The following PDE4D variants were observed in gnomAD, a reference collection of about 807,000 sequenced individuals.
PDE4D encodes phosphodiesterase 4D.
PDE4D carries 24 observed loss-of-function variants against 87.4 expected under a neutral mutation model. That is an observed-to-expected ratio of 0.27 (90% CI 0.20 to 0.39). PDE4D has a LOEUF of 0.39. Ranked by LOEUF, PDE4D falls within the 10% of genes least tolerant of loss-of-function variation. The pLI is 1.00. For missense variants in PDE4D, 714 were observed against 1,041.0 expected (o/e 0.69, Z 4.32); for synonymous variants, 384 against 383.2 (o/e 1.00, Z -0.02).
intron 1 of PDE4D, among the ~76,000 whole-genome samples, chr5:59,806,672 T>C (rs535190693): frequency 6.6e-6 from 1 of 152,352 alleles, no homozygotes; most frequent in South Asian, 2.1e-4. Context: ...ACTATTAAAA[T>C]TTCTACTTCC....
chr5:60,009,855 A>C (rs1207807197), intron 2 of PDE4D, among the ~76,000 whole-genome samples: 1 of 152,150 alleles, frequency 6.6e-6, no homozygotes, highest in Non-Finnish European at 1.5e-5. Flanking sequence ...CATGTTGACA[A>C]GGATGAAAAG....
intron 2 of PDE4D, among the ~76,000 whole-genome samples, chr5:60,013,234 C>T (rs1235873837): frequency 6.6e-6 from 1 of 152,178 alleles, no homozygotes; most frequent in Non-Finnish European, 1.5e-5. Flanking sequence ...CCACCTCTCC[C>T]AAGGCCAACA....
intron 1 of PDE4D, among the ~76,000 whole-genome samples, chr5:59,303,515 A>T (rs920617529): frequency 6.6e-6 from 1 of 152,084 alleles, no homozygotes; most frequent in African/African-American, 2.4e-5. Flanking sequence ...AAAATTTCAT[A>T]GTTTCACGTC....
intron 2 of PDE4D, among the ~76,000 whole-genome samples, chr5:60,034,708 C>T (rs1346625842): frequency 2.0e-5 from 3 of 152,190 alleles, no homozygotes; most frequent in Non-Finnish European, 4.4e-5. Flanking sequence ...AGTAATACAA[C>T]TTATGATATT....
chr5:60,016,343 T>G (rs1765521736), intron 2 of PDE4D, among the ~76,000 whole-genome samples: 1 of 152,190 alleles, frequency 6.6e-6, no homozygotes, highest in Non-Finnish European at 1.5e-5. Flanking sequence ...GTACTCTTTT[T>G]GCTGACAGAG....
chr5:60,272,434 G>C (rs1750909757), intron 1 of PDE4D, among the ~76,000 whole-genome samples: 2 of 152,188 alleles, frequency 1.3e-5, no homozygotes, highest in South Asian at 2.1e-4. Context: ...TTTAAAACTG[G>C]TGTTTCCATC....
At chr5:59,024,249 G>A (rs1483819043) in intron 6 of PDE4D, among the ~76,000 whole-genome samples, 2 of 129,298 alleles carry the variant, frequency 1.5e-5, no homozygotes, top group Non-Finnish European at 1.6e-5. Flanking sequence ...CACCCAGGCT[G>A]GAGTGCAGTG....
chr5:59,455,149 T>C (rs895420746), intron 1 of PDE4D, among the ~76,000 whole-genome samples: 1 of 152,170 alleles, frequency 6.6e-6, no homozygotes, highest in Non-Finnish European at 1.5e-5. Flanking sequence ...GGGGAACCAA[T>C]TGTTAACCCC....
At chr5:59,693,117 C>T (rs900668269) in intron 1 of PDE4D, among the ~76,000 whole-genome samples, 1 of 148,650 alleles carries the variant, frequency 6.7e-6, no homozygotes, top group African/African-American at 2.4e-5. Flanking sequence ...TGTAAATATA[C>T]TCTAGAAGAC....
Position 59,930,106 on chromosome 5 carries a change from G to A in PDE4D, c.272+58382C>T, listed in dbSNP as rs560349751. On this transcript the variant is annotated intron_variant, in intron 3 of 16. Transcript: ENST00000502484. ...GAACCCGGGAGGCGGAGCTTGCAGTGAGCCGAGATCGTGCCACTGCACTTC... is the reference window on the plus strand; with the variant it reads ...GAACCCGGGAGGCGGAGCTTGCAGTAAGCCGAGATCGTGCCACTGCACTTC... Among the ~76,000 whole-genome samples the A allele has an allele frequency of 2.1e-5, 3 of 142,656 alleles. No individual in the cohort carries two copies. The South Asian group carries it at 7.0e-4, about 33-fold the overall frequency. 93.6% of individuals were successfully genotyped at this position (142,656 alleles called of 152,430 possible). A position where few individuals can be genotyped will look rare whatever the true frequency, so the allele number is the denominator to read the frequency against.
chr5:59,535,396 G>A (rs1815019322), intron 1 of PDE4D, among the ~76,000 whole-genome samples: 1 of 152,028 alleles, frequency 6.6e-6, no homozygotes, highest in African/African-American at 2.4e-5. Context: ...TATAAGTGAA[G>A]GCTTTTTTCA....
chr5:59,198,813 C>G (rs539815676), intron 2 of PDE4D, among the ~76,000 whole-genome samples: 1 of 151,994 alleles, frequency 6.6e-6, no homozygotes, highest in Admixed American at 6.6e-5. Context: ...GAAACAGAAA[C>G]AAGCAAGAAA....
intron 1 of PDE4D, among the ~76,000 whole-genome samples, chr5:59,660,788 T>C (rs1188754686): frequency 6.6e-6 from 1 of 152,334 alleles, no homozygotes; most frequent in East Asian, 1.9e-4. Context: ...GACAGTCATA[T>C]GAATAGGATA....
intron 2 of PDE4D, among the ~76,000 whole-genome samples, chr5:59,991,219 G>A (rs1257647360): frequency 6.6e-6 from 1 of 152,064 alleles, no homozygotes; most frequent in East Asian, 2.0e-4. Flanking sequence ...CTTAAGAGGT[G>A]CCATTGGTTG....
chr5:60,076,808 C>T (rs1456834759), intron 2 of PDE4D, among the ~76,000 whole-genome samples: 2 of 152,224 alleles, frequency 1.3e-5, no homozygotes, highest in Non-Finnish European at 2.9e-5. Flanking sequence ...CATGTGCCAG[C>T]AGCAGTGACA....
chr5:59,160,743 T>C (rs578232137), intron 5 of PDE4D, among the ~76,000 whole-genome samples: 29 of 152,286 alleles, frequency 1.9e-4, no homozygotes, highest in Middle Eastern at 3.4e-3. Context: ...TCAATGGAAC[T>C]AACTCCCTTA....
chr5:60,161,418 C>T (rs1281475587), intron 2 of PDE4D, among the ~76,000 whole-genome samples: 2 of 152,104 alleles, frequency 1.3e-5, no homozygotes, highest in African/African-American at 4.8e-5. Context: ...AGAGTTTAGA[C>T]TATATAAAAG....
chr5:59,575,210 T>A (rs898762974), intron 1 of PDE4D, among the ~76,000 whole-genome samples: 1 of 152,076 alleles, frequency 6.6e-6, no homozygotes, highest in Non-Finnish European at 1.5e-5. Flanking sequence ...GAAAGATGTA[T>A]AAAAAGAACG....
chr5:59,012,637 A>G (rs953909732), intron 6 of PDE4D, among the ~76,000 whole-genome samples: 3 of 152,232 alleles, frequency 2.0e-5, no homozygotes, highest in Admixed American at 1.3e-4. Context: ...ATACAGGAGC[A>G]CCCAGATTCA....
Sources: gnomAD v4.1 joint callset for allele counts (sites outside exome capture counted in the v4.1 genomes callset) on GRCh38, gnomAD v4.1.1 for gene constraint, MANE v1.5 for transcripts, NCBI Gene and HGNC (gene_info 2026-07-23, HGNC 2026-07-21) for gene names.